SPPL2B: variants seen among roughly 807,000 people sequenced by gnomAD.
SPPL2B encodes signal peptide peptidase-like 2B.
Under a neutral mutation model 59.7 loss-of-function variants are expected in SPPL2B, and 39 were observed. The observed-to-expected ratio is 0.65, with a 90% CI of 0.51 to 0.85. The LOEUF is 0.85. Among genes scored for constraint, SPPL2B ranks in the 40% least tolerant of loss-of-function variants. The pLI is 0.00. For synonymous variants in SPPL2B, 419 were observed against 370.8 expected, an observed-to-expected ratio of 1.13 and a Z score of -1.49; for missense variants, 865 against 849.0, an observed-to-expected ratio of 1.02 and a Z score of -0.23.
Position 2,351,424 on chromosome 19 carries a change from G to A in SPPL2B, c.1355-10G>A. 1.9e-6 allele frequency: 3 copies of A among 1,591,362 alleles called. No homozygotes were observed. The highest frequency in any genetic ancestry group is 2.6e-6 in the Non-Finnish European group (3 of 1,168,368). On this transcript the variant is annotated splice_polypyrimidine_tract_variant and intron_variant, in intron 13 of 14. Coordinates refer to ENST00000613503, the MANE Select transcript of SPPL2B (RefSeq NM_152988.3). ...GCCTGGCTGAGGTGATGCCTCCTCT[G>A]TCCCCACAGCCTATGGCGTTGGCCT...
At chr19:2,349,915 C>G (rs190983875) in intron 13 of SPPL2B, among the ~76,000 whole-genome samples, 2,211 of 144,386 alleles carry the variant, frequency 0.015, 79 homozygotes, top group African/African-American at 0.055. Context: ...TGATTCCATT[C>G]TCTCTCTCCA....
intron 1 of SPPL2B, chr19:2,330,717 G>A (rs1044443124): frequency 6.6e-6 from 1 of 152,532 alleles, no homozygotes; most frequent in African/African-American, 2.4e-5. Context: ...GAGAGTGAAG[G>A]CAGAGCATTC....
intron 1 of SPPL2B, among the ~76,000 whole-genome samples, chr19:2,330,928 C>G (rs1257711678): frequency 1.3e-5 from 2 of 152,152 alleles, no homozygotes; most frequent in African/African-American, 4.8e-5. Flanking sequence ...TAAATACACC[C>G]TGAGACGCCT....
At chr19:2,336,447 CTG>C (rs992671515) in intron 2 of SPPL2B, among the ~76,000 whole-genome samples, 53 of 150,956 alleles carry the variant, frequency 3.5e-4, no homozygotes, top group African/African-American at 1.1e-3. Flanking sequence ...GTGTATGTGC[CTG>C]TGTGTTTGGG....
intron 2 of SPPL2B, among the ~76,000 whole-genome samples, chr19:2,336,186 T>G (rs1423825206): frequency 6.6e-6 from 1 of 152,158 alleles, no homozygotes; most frequent in Non-Finnish European, 1.5e-5. Context: ...TGTGGGGGCA[T>G]GTGCATGGGT....
rs3746290 is a variant in SPPL2B at position 2,351,704 on chromosome 19, G to A, written c.1515+110G>A. 14,587 of 1,434,666 alleles carry A rather than the reference G, an allele frequency of 0.01. 606 individuals carry two copies. In the Admixed American group the frequency reaches 0.12, roughly 12 times the overall value. The allele number at this position is 1,434,666 out of a possible 1,614,324, so 88.9% of individuals were successfully genotyped here. ...CAGCCAGCCCTGCGGCCGCGACGGGGCTCAGGGTCCTGGTACCTTCTGCTT... is the reference window on the plus strand; with the variant it reads ...CAGCCAGCCCTGCGGCCGCGACGGGACTCAGGGTCCTGGTACCTTCTGCTT... On this transcript the variant is annotated intron_variant, in intron 14 of 14. Coordinates refer to ENST00000613503, the MANE Select transcript of SPPL2B (RefSeq NM_152988.3).
chr19:2,350,151 C>G (rs1969826231), intron 13 of SPPL2B, among the ~76,000 whole-genome samples: 1 of 148,660 alleles, frequency 6.7e-6, no homozygotes, highest in African/African-American at 2.5e-5. Context: ...TCTCTCTCCA[C>G]ACACACTCAC....
chr19:2,339,451 G>T (rs945447500), intron 5 of SPPL2B, among the ~76,000 whole-genome samples: 2 of 152,100 alleles, frequency 1.3e-5, no homozygotes, highest in Non-Finnish European at 2.9e-5. Flanking sequence ...GCAGGTACGG[G>T]CGTGGCAGGT....
At chr19:2,345,727 C>G (rs1969330541) in intron 13 of SPPL2B, among the ~76,000 whole-genome samples, 1 of 151,500 alleles carries the variant, frequency 6.6e-6, no homozygotes. Flanking sequence ...CCGTCCCCGT[C>G]TTTCTCATTC....
At chr19:2,341,100 C>T (rs1969012251) in intron 8 of SPPL2B, 86 bp downstream of exon 8, 2 of 343,500 alleles carry the variant, frequency 5.8e-6, no homozygotes, top group Non-Finnish European at 1.1e-5. Context: ...CCTGCCCTCC[C>T]TGGAGGCCGC....
intron 12 of SPPL2B, 56 bp from the exon 13 acceptor site, chr19:2,345,197 C>T: frequency 4.6e-6 from 7 of 1,513,792 alleles, no homozygotes; most frequent in Non-Finnish European, 6.4e-6. Context: ...TCCCAGGAAG[C>T]CCCTGCTCTG....
At chr19:2,342,896 A>C in intron 8 of SPPL2B, 1 of 348,272 alleles carries the variant, frequency 2.9e-6, no homozygotes, top group Non-Finnish European at 5.6e-6. Flanking sequence ...TGGCCCCACC[A>C]TCTGGGGACA....
intron 14 of SPPL2B, 44 bp downstream of exon 14, chr19:2,351,638 G>A: frequency 6.3e-7 from 1 of 1,577,758 alleles, no homozygotes; most frequent in Non-Finnish European, 8.6e-7. Context: ...CTCGCCTAGT[G>A]AGCCCTAACT....
chr19:2,350,212 C>T (rs1443575941), intron 13 of SPPL2B, among the ~76,000 whole-genome samples: 4 of 147,634 alleles, frequency 2.7e-5, no homozygotes, highest in Admixed American at 6.8e-5. Context: ...CTCGTGCTCT[C>T]ATTGGCTTGA....
Position 2,345,270 on chromosome 19 carries a change from T to A in SPPL2B, c.1294T>A (p.Cys432Ser). The A allele has an allele frequency of 6.2e-7, 1 of 1,612,728 alleles. No individual in the cohort carries two copies. Among genetic ancestry groups the A allele is most frequent in the Non-Finnish European group, 8.5e-7 (1 of 1,179,562 alleles). ...ILVPGLLVAY[C>S]HRFDIQVQSS... ...TCCCCCAGGGCTGCTGGTGGCCTAC[T>A]GCCACAGGTTTGACATCCAGGTACA... The change falls in exon 13 of 15, where the codon TGC becomes AGC. Residue 432 changes from cysteine to serine, a missense_variant. Cys to Ser is a moderately radical substitution (Grantham distance 112, BLOSUM62 -1). Transcript: ENST00000613503.
chr19:2,352,473 A>G (rs1490146353), intron 14 of SPPL2B, among the ~76,000 whole-genome samples: 1 of 152,062 alleles, frequency 6.6e-6, no homozygotes, highest in Non-Finnish European at 1.5e-5. Flanking sequence ...TCCCTGCCGC[A>G]CTGGTGTGAT....
intron 11 of SPPL2B, 52 bp from the exon 12 acceptor site, chr19:2,344,501 C>A: frequency 6.3e-7 from 1 of 1,575,734 alleles, no homozygotes; most frequent in Non-Finnish European, 8.7e-7. Flanking sequence ...TCGAGGCATC[C>A]CGCGGCCGGG....
In SPPL2B at chr19:2,353,017, G is replaced by A. The variant is rs771309159; in HGVS notation, c.1587G>A (p.Thr529=). The change falls in exon 15 of 15, where the codon ACG becomes ACA. Residue 529 remains threonine, a synonymous_variant. Coordinates refer to ENST00000613503, the MANE Select transcript of SPPL2B (RefSeq NM_152988.3). The part of the protein sequence containing the change: ...DGPQPPKDSA[T]PLSPQPPSEE... ...CGCAGCCTCCCAAAGACTCTGCCACGCCACTCTCCCCGCAGCCGCCCAGCG... is the reference window on the plus strand; with the variant it reads ...CGCAGCCTCCCAAAGACTCTGCCACACCACTCTCCCCGCAGCCGCCCAGCG... 1.3e-5 allele frequency: 21 copies of A among 1,611,916 alleles called. No homozygotes were observed. The highest frequency in any genetic ancestry group is 5.0e-5 in the Admixed American group (3 of 59,938).
intron 2 of SPPL2B, among the ~76,000 whole-genome samples, chr19:2,334,971 G>T (rs1281165011): frequency 6.6e-6 from 1 of 152,100 alleles, no homozygotes; most frequent in Non-Finnish European, 1.5e-5. Flanking sequence ...GTAGATAAGG[G>T]TCTCTACTGC....
Sources: allele counts gnomAD v4.1 joint callset (sites outside exome capture counted in the v4.1 genomes callset), GRCh38; gene constraint gnomAD v4.1.1; transcripts MANE v1.5; gene names NCBI Gene and HGNC (gene_info 2026-07-23, HGNC 2026-07-21).